The following PPP1R16B variants were observed in gnomAD, a reference collection of about 807,000 sequenced individuals.
PPP1R16B encodes the protein protein phosphatase 1 regulatory subunit 16B, also known as protein phosphatase 1 regulatory inhibitor subunit 16B.
Under a neutral mutation model 61.7 loss-of-function variants are expected in PPP1R16B, and 14 were observed. The ratio of observed to expected loss-of-function variants is 0.23; its 90% CI spans 0.15 to 0.35. The LOEUF (loss-of-function observed/expected upper bound fraction) is 0.35. Ranked by LOEUF, PPP1R16B falls within the 10% of genes least tolerant of loss-of-function variation. PPP1R16B has a pLI of 1.00. For synonymous variants in PPP1R16B, 266 were observed against 305.3 expected, an observed-to-expected ratio of 0.87 and a Z score of 1.34; for missense variants, 547 against 752.5, an observed-to-expected ratio of 0.73 and a Z score of 3.19.
At chr20:38,830,643 A>G (rs2084830919) in intron 1 of PPP1R16B, among the ~76,000 whole-genome samples, 1 of 152,230 alleles carries the variant, frequency 6.6e-6, no homozygotes, top group Non-Finnish European at 1.5e-5. Flanking sequence ...GGATTGGCAT[A>G]GTTATAAAGA....
chr20:38,864,812 G>T (rs1279696108), intron 2 of PPP1R16B, among the ~76,000 whole-genome samples: 1 of 152,232 alleles, frequency 6.6e-6, no homozygotes, highest in African/African-American at 2.4e-5. Context: ...CAAGAAGTGG[G>T]TGTTTCTGGG....
chr20:38,918,630 G>A lies in PPP1R16B; in HGVS notation c.1668G>A (p.Met556Ile). ...LLKFKAPIEEMEEKVHGCCRI... is the reference protein window; with the variant it reads ...LLKFKAPIEEIEEKVHGCCRI... ...AGTTCAAGGCCCCCATAGAGGAGAT[G>A]GAGGAGAAGGTGCATGGCTGTTGCC... The change falls in exon 11 of 11, where the codon ATG becomes ATA. Residue 556 changes from methionine to isoleucine, a missense_variant. Transcript: ENST00000299824. This position sits in a 1 kb window ranked among gnomAD's most constrained non-coding sequence, Gnocchi z 5.3. 6.6e-7 allele frequency: 1 copy of A among 1,518,116 alleles called. No homozygotes were observed. 94.0% of individuals were successfully genotyped at this position (1,518,116 alleles called of 1,614,324 possible). A position where few individuals can be genotyped will look rare whatever the true frequency, so the allele number is the denominator to read the frequency against.
rs2085604459 is a variant in PPP1R16B at position 38,922,157 on chromosome 20, A to T, written c.*3491A>T. 1 of 152,372 alleles carries T rather than the reference A, an allele frequency of 6.6e-6. No homozygotes were observed. The highest frequency in any genetic ancestry group is 1.5e-5 in the Non-Finnish European group (1 of 68,056). 9.4% of individuals were successfully genotyped at this position (152,372 alleles called of 1,614,324 possible). On this transcript the variant is annotated 3_prime_UTR_variant, in exon 11 of 11. Coordinates refer to ENST00000299824, the MANE Select transcript of PPP1R16B (RefSeq NM_015568.4). ...TAAAGACTTCAGGATAGAATTCTCC[A>T]TCAAATATACAGCATAAGTAAAACT...
intron 2 of PPP1R16B, among the ~76,000 whole-genome samples, chr20:38,856,524 C>T (rs1024397309): frequency 3.9e-5 from 6 of 152,146 alleles, no homozygotes; most frequent in Non-Finnish European, 8.8e-5. Context: ...GGGAGGGGCT[C>T]TCTCTTCTCT....
intron 3 of PPP1R16B, 48 bp downstream of exon 3, chr20:38,889,713 G>C: frequency 6.6e-7 from 1 of 1,511,792 alleles, no homozygotes; most frequent in Non-Finnish European, 9.2e-7. Flanking sequence ...CCCTCACCTG[G>C]ACAGGTACCC....
intron 2 of PPP1R16B, among the ~76,000 whole-genome samples, chr20:38,848,736 C>T (rs1191338021): frequency 1.3e-5 from 2 of 152,290 alleles, no homozygotes; most frequent in Non-Finnish European, 1.5e-5. Flanking sequence ...CATGTTCTCA[C>T]TTACAAGTGG....
intron 1 of PPP1R16B, among the ~76,000 whole-genome samples, chr20:38,810,934 G>C (rs914574538): frequency 6.6e-6 from 1 of 152,188 alleles, no homozygotes; most frequent in African/African-American, 2.4e-5. Context: ...GCTGACTGCA[G>C]AATATCTGGC....
At chr20:38,854,900 C>T (rs2084994145) in intron 2 of PPP1R16B, among the ~76,000 whole-genome samples, 2 of 152,226 alleles carry the variant, frequency 1.3e-5, no homozygotes, top group Non-Finnish European at 2.9e-5. Context: ...TAACTACTCC[C>T]ATTTTCTCTA....
intron 5 of PPP1R16B, 122 bp downstream of exon 5, chr20:38,900,806 A>G (rs1272229865): frequency 3.3e-5 from 21 of 641,460 alleles, no homozygotes. Context: ...GTGCTCAGTG[A>G]ATAGGATGGG....
chr20:38,886,560 A>T (rs2085246400), intron 2 of PPP1R16B, among the ~76,000 whole-genome samples: 3 of 152,174 alleles, frequency 2.0e-5, no homozygotes. Context: ...GCCATCTGTA[A>T]TGCTCAGGGC....
At chr20:38,858,107 TA>T (rs2085020719) in intron 2 of PPP1R16B, among the ~76,000 whole-genome samples, 1 of 152,120 alleles carries the variant, frequency 6.6e-6, no homozygotes, top group Admixed American at 6.5e-5. Flanking sequence ...GTGTCTCTTT[TA>T]AGGACACTAA....
chr20:38,896,074 CCCTT>C, intron 4 of PPP1R16B, among the ~76,000 whole-genome samples: 1 of 131,018 alleles, frequency 7.6e-6, no homozygotes, highest in Non-Finnish European at 1.6e-5. Flanking sequence ...TTTCTTCCCT[CCCTT>C]CCTCCCTTTC....
intron 2 of PPP1R16B, among the ~76,000 whole-genome samples, chr20:38,886,316 G>A (rs1286983972): frequency 6.6e-6 from 1 of 152,034 alleles, no homozygotes; most frequent in Non-Finnish European, 1.5e-5. Flanking sequence ...CCAACATCAG[G>A]GTAATTACAT....
intron 2 of PPP1R16B, among the ~76,000 whole-genome samples, chr20:38,867,683 T>C (rs1216740859): frequency 1.3e-5 from 2 of 152,008 alleles, no homozygotes; most frequent in Admixed American, 6.5e-5. Flanking sequence ...ATTCTTTTTT[T>C]TCCCCCCGAG....
intron 1 of PPP1R16B, among the ~76,000 whole-genome samples, chr20:38,816,935 T>C (rs1228527015): frequency 6.6e-6 from 1 of 152,198 alleles, no homozygotes; most frequent in African/African-American, 2.4e-5. Context: ...AGTTTGATGT[T>C]ACAGCTCTTG....
intron 1 of PPP1R16B, among the ~76,000 whole-genome samples, chr20:38,832,687 G>A (rs530618491): frequency 6.6e-6 from 1 of 152,236 alleles, no homozygotes; most frequent in Non-Finnish European, 1.5e-5. Context: ...GGGAGGCCGA[G>A]GTGGGCAGAT....
intron 2 of PPP1R16B, among the ~76,000 whole-genome samples, chr20:38,852,335 A>T (rs1185204658): frequency 6.6e-6 from 1 of 152,226 alleles, no homozygotes; most frequent in Admixed American, 6.5e-5. Flanking sequence ...ACCGTGCTTA[A>T]CTGAATTTCA....
At position 38,806,235 on chromosome 20, in the gene PPP1R16B, G is replaced by C. The variant is rs1296963694; in HGVS notation, c.-102+443G>C. The stretch of plus-strand genomic sequence containing the variant: ...CCGCGCACTCTCCCGGCCGGGCATG[G>C]TGGTGCCGCCCCCTCGCGTGGCGGG... On this transcript the variant is annotated intron_variant, in intron 1 of 10. Transcript: ENST00000299824. The surrounding 1 kb of genome is among the most constrained non-coding windows in gnomAD (Gnocchi z 4.5). 6.6e-6 allele frequency among the ~76,000 whole-genome samples: 1 copy of C among 152,132 alleles called. No individual in the cohort carries two copies. Among genetic ancestry groups the C allele is most frequent in the Non-Finnish European group, 1.5e-5 (1 of 67,996 alleles).
intron 10 of PPP1R16B, among the ~76,000 whole-genome samples, chr20:38,917,917 A>G (rs906295595): frequency 1.1e-4 from 17 of 152,174 alleles, no homozygotes; most frequent in Admixed American, 5.9e-4. Context: ...CTGTAGTGAA[A>G]TATGTTGACT....
Sources: allele counts gnomAD v4.1 joint callset (sites outside exome capture counted in the v4.1 genomes callset), GRCh38; gene constraint gnomAD v4.1.1; non-coding constraint Gnocchi (gnomAD v3.1); transcripts MANE v1.5; gene names NCBI Gene and HGNC (gene_info 2026-07-23, HGNC 2026-07-21).